FAF1: variants seen among roughly 807,000 people sequenced by gnomAD.
FAF1 encodes FAS-associated factor 1.
Under a neutral mutation model 92.5 loss-of-function variants are expected in FAF1, and 25 were observed. The observed-to-expected ratio is 0.27, with a 90% CI of 0.20 to 0.38. FAF1 has a LOEUF of 0.38. FAF1 is among the 10% of genes least tolerant of loss of function. The probability of loss-of-function intolerance (pLI) is 1.00; values close to 1 mark genes in which losing one functional copy is unlikely to be tolerated. For missense variants in FAF1, 636 were observed against 793.3 expected, an observed-to-expected ratio of 0.80 and a Z score of 2.38; for synonymous variants, 234 against 273.2, an observed-to-expected ratio of 0.86 and a Z score of 1.42.
chr1:50,949,829 T>G lies in FAF1; in HGVS notation c.45+9938A>C, dbSNP rs540318256. 1.2e-4 allele frequency among the ~76,000 whole-genome samples: 18 copies of G among 152,240 alleles called. No homozygotes were observed. In the East Asian group the frequency reaches 3.5e-3, roughly 29 times the overall value. ...TTTGGCCTGACCTAGTCCAGTCTTC[T>G]GCTTACAGGTACATATAGCTCTACA... On this transcript the variant is annotated intron_variant, in intron 1 of 18. Transcript: ENST00000396153.
At chr1:50,578,707 A>T (rs1165804265) in intron 12 of FAF1, among the ~76,000 whole-genome samples, 2 of 152,208 alleles carry the variant, frequency 1.3e-5, no homozygotes, top group Non-Finnish European at 2.9e-5. Context: ...CAAATGAGAT[A>T]TGTATAGGAA....
At chr1:50,861,248 T>G (rs1324461463) in intron 1 of FAF1, among the ~76,000 whole-genome samples, 1 of 151,820 alleles carries the variant, frequency 6.6e-6, no homozygotes, top group Non-Finnish European at 1.5e-5. Flanking sequence ...GACCACATAT[T>G]AAAAACAAGA....
Position 50,959,823 on chromosome 1 carries a change from A to G in FAF1, c.-12T>C. 1 of 1,555,908 alleles carries G rather than the reference A, an allele frequency of 6.4e-7. No homozygotes were observed. Among genetic ancestry groups the G allele is most frequent in the Non-Finnish European group, 8.7e-7 (1 of 1,148,784 alleles). Reference sequence around the variant, plus strand: ...ATGTTGGACGCCATGGCGGCCGCCGAGTTCCGCGGCTCCGGGAGCGAAGCG... The same window carrying G: ...ATGTTGGACGCCATGGCGGCCGCCGGGTTCCGCGGCTCCGGGAGCGAAGCG... On this transcript the variant is annotated 5_prime_UTR_variant, in exon 1 of 19. Transcript: ENST00000396153.
At chr1:50,523,958 G>A (rs1647647353) in intron 15 of FAF1, among the ~76,000 whole-genome samples, 1 of 152,184 alleles carries the variant, frequency 6.6e-6, no homozygotes, top group Non-Finnish European at 1.5e-5. Context: ...GGTCTCTGAG[G>A]AATTGCCACA....
chr1:50,614,158 T>A (rs1652801349), intron 8 of FAF1, among the ~76,000 whole-genome samples: 1 of 150,984 alleles, frequency 6.6e-6, no homozygotes, highest in Non-Finnish European at 1.5e-5. Flanking sequence ...AACCCTCAGA[T>A]CCAAAACTCT....
At chr1:50,854,233 G>A (rs1201593737) in intron 2 of FAF1, among the ~76,000 whole-genome samples, 1 of 151,926 alleles carries the variant, frequency 6.6e-6, no homozygotes, top group Non-Finnish European at 1.5e-5. Context: ...TCAATTCTGG[G>A]GCCCAGATTA....
At chr1:50,853,460 T>C (rs1486485440) in intron 2 of FAF1, among the ~76,000 whole-genome samples, 1 of 152,090 alleles carries the variant, frequency 6.6e-6, no homozygotes, top group East Asian at 1.9e-4. Flanking sequence ...TTCACTCTTG[T>C]AGGTTGAAAC....
At chr1:50,560,844 T>C (rs1649868234) in intron 13 of FAF1, among the ~76,000 whole-genome samples, 1 of 152,256 alleles carries the variant, frequency 6.6e-6, no homozygotes, top group Non-Finnish European at 1.5e-5. Context: ...TGGTGGTTCA[T>C]TGTGTCACAT....
chr1:50,695,376 A>T (rs1657151359), intron 7 of FAF1, among the ~76,000 whole-genome samples: 1 of 145,198 alleles, frequency 6.9e-6, no homozygotes, highest in South Asian at 2.2e-4. Context: ...CCATTGCACT[A>T]AAAAAAAAAA....
intron 2 of FAF1, among the ~76,000 whole-genome samples, chr1:50,851,966 ACC>A (rs960840700): frequency 2.6e-5 from 4 of 152,178 alleles, no homozygotes; most frequent in Non-Finnish European, 5.9e-5. Flanking sequence ...GTGTTTTATC[ACC>A]CCAAGTTTTC....
intron 7 of FAF1, among the ~76,000 whole-genome samples, chr1:50,695,928 C>T (rs1218320328): frequency 7.0e-6 from 1 of 142,018 alleles, no homozygotes; most frequent in African/African-American, 2.5e-5. Flanking sequence ...GGATTACAGG[C>T]GTGAGTCACC....
intron 1 of FAF1, among the ~76,000 whole-genome samples, chr1:50,922,951 C>T (rs1360371213): frequency 6.6e-6 from 1 of 151,048 alleles, no homozygotes; most frequent in African/African-American, 2.4e-5. Flanking sequence ...ATAACTGATA[C>T]CAAAGAAACA....
intron 8 of FAF1, among the ~76,000 whole-genome samples, chr1:50,653,348 A>G (rs1344722853): frequency 6.6e-6 from 1 of 152,122 alleles, no homozygotes; most frequent in Non-Finnish European, 1.5e-5. Context: ...TTAAAAATAA[A>G]GGGGCTTTTG....
At chr1:50,637,428 A>C (rs1407741062) in intron 8 of FAF1, among the ~76,000 whole-genome samples, 1 of 151,490 alleles carries the variant, frequency 6.6e-6, no homozygotes, top group Non-Finnish European at 1.5e-5. Flanking sequence ...ACTCCAGCCT[A>C]GGTGACAGAG....
At chr1:50,775,324 G>C (rs1660915708) in intron 4 of FAF1, among the ~76,000 whole-genome samples, 1 of 152,070 alleles carries the variant, frequency 6.6e-6, no homozygotes, top group African/African-American at 2.4e-5. Context: ...AGAATCTAGA[G>C]AGGAATAAGA....
intron 2 of FAF1, among the ~76,000 whole-genome samples, chr1:50,831,805 C>CAAA (rs1157102526): frequency 1.1e-4 from 9 of 81,678 alleles, no homozygotes; most frequent in Middle Eastern, 6.5e-3. Context: ...TTATCAGAGA[C>CAAA]AAAAAAAAAA....
At chr1:50,783,569 G>T (rs891881274) in intron 4 of FAF1, among the ~76,000 whole-genome samples, 19 of 152,052 alleles carry the variant, frequency 1.2e-4, no homozygotes, top group Non-Finnish European at 2.8e-4. Flanking sequence ...TGGGATGAAA[G>T]GATTATTTAA....
At chr1:50,747,107 T>C (rs1269977128) in intron 4 of FAF1, among the ~76,000 whole-genome samples, 1 of 152,172 alleles carries the variant, frequency 6.6e-6, no homozygotes, top group Non-Finnish European at 1.5e-5. Flanking sequence ...AGAGAAGAAA[T>C]GTGAGGTTGG....
chr1:50,853,688 T>C (rs1231654253), intron 2 of FAF1, among the ~76,000 whole-genome samples: 4 of 152,098 alleles, frequency 2.6e-5, no homozygotes, highest in Admixed American at 1.3e-4. Context: ...TCAGATATCT[T>C]TCCCTGGATC....
Sources: allele counts gnomAD v4.1 joint callset (sites outside exome capture counted in the v4.1 genomes callset), GRCh38; gene constraint gnomAD v4.1.1; transcripts MANE v1.5; gene names NCBI Gene and HGNC (gene_info 2026-07-23, HGNC 2026-07-21).